Variants in TENM3 observed in about 807,000 individuals in gnomAD.
The protein encoded by TENM3 is teneurin-3.
Under a neutral mutation model 255.1 loss-of-function variants are expected in TENM3, and 63 were observed. The ratio of observed to expected loss-of-function variants is 0.25; its 90% CI spans 0.20 to 0.30. TENM3 has a LOEUF of 0.30. Among genes scored for constraint, TENM3 ranks in the 10% least tolerant of loss-of-function variants. TENM3 has a pLI of 1.00. For synonymous variants in TENM3, 1,306 were observed against 1,322.3 expected (o/e 0.99, Z 0.27); for missense variants, 2,929 against 3,461.1 (o/e 0.85, Z 3.86).
At chr4:182,410,501 T>A (rs1406540741) in intron 3 of TENM3, among the ~76,000 whole-genome samples, 2 of 152,200 alleles carry the variant, frequency 1.3e-5, no homozygotes, top group African/African-American at 4.8e-5. Context: ...AAGGAGTAGC[T>A]CTCGGCTGGC....
At chr4:182,505,576 T>C (rs1736729341) in intron 3 of TENM3, among the ~76,000 whole-genome samples, 1 of 152,040 alleles carries the variant, frequency 6.6e-6, no homozygotes, top group Non-Finnish European at 1.5e-5. Context: ...CCTCCCAGGT[T>C]CAAGCGATTC....
chr4:182,482,732 A>G (rs1466849841), intron 3 of TENM3, among the ~76,000 whole-genome samples: 2 of 152,192 alleles, frequency 1.3e-5, no homozygotes, highest in African/African-American at 2.4e-5. Context: ...CATTCATGTC[A>G]GTTCTTTTCA....
intron 3 of TENM3, among the ~76,000 whole-genome samples, chr4:182,556,217 A>G (rs1742572065): frequency 6.6e-6 from 1 of 152,230 alleles, no homozygotes; most frequent in African/African-American, 2.4e-5. Context: ...ATTTTACAGC[A>G]CAAAAACTCC....
At chr4:181,928,596 G>A in the TENM3 span, among the ~76,000 whole-genome samples, 1 of 151,818 alleles carries the variant, frequency 6.6e-6, no homozygotes, top group African/African-American at 2.4e-5. Flanking sequence ...AAGCAAGTTG[G>A]AAAACACTCT....
chr4:182,557,484 A>G (rs1742689314), intron 3 of TENM3, among the ~76,000 whole-genome samples: 1 of 152,216 alleles, frequency 6.6e-6, no homozygotes, highest in Non-Finnish European at 1.5e-5. Context: ...AAAAAAGGAC[A>G]GGGGCCTTAT....
chr4:181,804,875 T>C, the TENM3 span, among the ~76,000 whole-genome samples: 1 of 152,096 alleles, frequency 6.6e-6, no homozygotes, highest in Admixed American at 6.5e-5. Flanking sequence ...TCAGACCATA[T>C]GCCTATATCC....
chr4:182,275,986 T>G (rs192166751), intron 1 of TENM3, among the ~76,000 whole-genome samples: 3 of 152,078 alleles, frequency 2.0e-5, no homozygotes, highest in East Asian at 1.9e-4. Context: ...TTTTTTAAGG[T>G]GTTATGTGTT....
chr4:182,722,442 C>G (rs28431942), intron 13 of TENM3, among the ~76,000 whole-genome samples: 14,713 of 152,184 alleles, frequency 0.097, 1,200 homozygotes, highest in African/African-American at 0.22. Context: ...GTGCAAGGCT[C>G]TGGGGATACG....
At chr4:181,775,569 G>A in the TENM3 span, among the ~76,000 whole-genome samples, 1 of 152,224 alleles carries the variant, frequency 6.6e-6, no homozygotes, top group Admixed American at 6.5e-5. Flanking sequence ...TACCAATTAT[G>A]TTTTCTACTA....
chr4:181,612,269 A>ATT, the TENM3 span, among the ~76,000 whole-genome samples: 1 of 152,172 alleles, frequency 6.6e-6, no homozygotes, highest in South Asian at 2.1e-4. Context: ...TAGTGTTAAT[A>ATT]ATCATCTTTC....
At chr4:181,459,198 T>G in the TENM3 span, among the ~76,000 whole-genome samples, 1 of 151,926 alleles carries the variant, frequency 6.6e-6, no homozygotes, top group Non-Finnish European at 1.5e-5. Context: ...TGGGATAGCT[T>G]CTTTTGTAAA....
In TENM3 at chr4:182,633,238, G is replaced by T. The variant is rs539698672; in HGVS notation, c.988+4349G>T. 2.0e-5 allele frequency among the ~76,000 whole-genome samples: 3 copies of T among 152,224 alleles called. No homozygotes were observed. In the East Asian group the frequency reaches 5.8e-4, roughly 29 times the overall value. ...TGAGCCACCACTGTGCCCAGCCGAG[G>T]ATTTTTAAAAATGTTCTTCAACTTA... On this transcript the variant is annotated intron_variant, in intron 5 of 27. Transcript: ENST00000511685.
At chr4:181,732,563 T>C in the TENM3 span, among the ~76,000 whole-genome samples, 3 of 152,222 alleles carry the variant, frequency 2.0e-5, no homozygotes, top group African/African-American at 7.2e-5. Context: ...ACAGTTATTA[T>C]ATTTATATAG....
At chr4:182,440,682 T>A (rs375817460) in intron 3 of TENM3, among the ~76,000 whole-genome samples, 10 of 152,128 alleles carry the variant, frequency 6.6e-5, no homozygotes, top group African/African-American at 2.2e-4. Flanking sequence ...AACATGACGA[T>A]GTGGATTTTA....
At chr4:181,737,925 C>T in the TENM3 span, among the ~76,000 whole-genome samples, 2 of 150,808 alleles carry the variant, frequency 1.3e-5, no homozygotes, top group African/African-American at 4.9e-5. Context: ...CAATTGCCAA[C>T]TCGTATCTGG....
the TENM3 span, among the ~76,000 whole-genome samples, chr4:181,924,185 T>G: frequency 6.6e-6 from 1 of 152,170 alleles, no homozygotes; most frequent in African/African-American, 2.4e-5. Context: ...CCAAATTCAG[T>G]GTTACCTGGC....
intron 1 of TENM3, among the ~76,000 whole-genome samples, chr4:182,303,459 G>C (rs1395434921): frequency 6.6e-6 from 1 of 152,122 alleles, no homozygotes; most frequent in Admixed American, 6.6e-5. Flanking sequence ...TGCTTTAAAA[G>C]CTTTCACAAT....
intron 3 of TENM3, among the ~76,000 whole-genome samples, chr4:182,435,199 T>C (rs1003865132): frequency 1.3e-5 from 2 of 152,200 alleles, no homozygotes; most frequent in Admixed American, 1.3e-4. Flanking sequence ...TTATGGAAGT[T>C]ACGGTTTTGT....
the TENM3 span, among the ~76,000 whole-genome samples, chr4:181,956,351 A>G: frequency 6.6e-5 from 10 of 152,234 alleles, no homozygotes; most frequent in South Asian, 8.3e-4. Flanking sequence ...TACTCTCAGA[A>G]TATTGCATAA....
Sources: allele counts gnomAD v4.1 joint callset (sites outside exome capture counted in the v4.1 genomes callset), GRCh38; gene constraint gnomAD v4.1.1; transcripts MANE v1.5; gene names NCBI Gene and HGNC (gene_info 2026-07-23, HGNC 2026-07-21).